Variants in COL11A2 observed in about 807,000 individuals in gnomAD.
The protein encoded by COL11A2 is collagen alpha-2(XI) chain.
In COL11A2, 116 loss-of-function variants were observed where a neutral mutation model predicts 273.4. That is an observed-to-expected ratio of 0.42 (90% CI 0.36 to 0.49). The LOEUF is 0.49. COL11A2 is among the 20% of genes least tolerant of loss of function. The pLI is 0.00. For synonymous variants in COL11A2, 782 were observed against 864.2 expected, an observed-to-expected ratio of 0.90 and a Z score of 1.67; for missense variants, 1,866 against 2,309.0, an observed-to-expected ratio of 0.81 and a Z score of 3.93.
At chr6:33,181,305 C>G in intron 8 of COL11A2, 135 bp from the exon 9 acceptor site, 1 of 895,512 alleles carries the variant, frequency 1.1e-6, no homozygotes, top group Non-Finnish European at 1.8e-6. Flanking sequence ...AGCCCCACAG[C>G]CCTCCCCTAA....
chr6:33,179,871 G>T lies in COL11A2; in HGVS notation c.1360-66C>A. On this transcript the variant is annotated intron_variant, in intron 12 of 65. Transcript: ENST00000341947. The surrounding 1 kb of genome is among the most constrained non-coding windows in gnomAD (Gnocchi z 6.4). Reference sequence around the variant, plus strand: ...AGCCATGGGACCCTCCCAGCCAGAGGCTTTCTCCAGCGTTTCTGCCCCTTG... The same window carrying T: ...AGCCATGGGACCCTCCCAGCCAGAGTCTTTCTCCAGCGTTTCTGCCCCTTG... 1 of 1,460,840 alleles carries T rather than the reference G, an allele frequency of 6.8e-7. No homozygotes were observed. The allele number at this position is 1,460,840 out of a possible 1,614,324, so 90.5% of individuals were successfully genotyped here.
Position 33,178,868 on chromosome 6 carries a change from C to T in COL11A2, c.1665+52G>A. 1 of 1,612,250 alleles carries T rather than the reference C, an allele frequency of 6.2e-7. No individual in the cohort carries two copies. Among genetic ancestry groups the T allele is most frequent in the Non-Finnish European group, 8.5e-7 (1 of 1,178,900 alleles). On this transcript the variant is annotated intron_variant, in intron 17 of 65. Transcript: ENST00000341947. The surrounding 1 kb of genome is among the most constrained non-coding windows in gnomAD (Gnocchi z 4.6). The stretch of plus-strand genomic sequence containing the variant: ...AGGTCATCCCCAAGAAACAACTGAG[C>T]CCAGCGTGGGCTGAAGGCTACAGGC...
At chr6:33,171,207 G>A (rs747391257) in intron 44 of COL11A2, 40 bp from the exon 45 acceptor site, 2 of 1,613,468 alleles carry the variant, frequency 1.2e-6, no homozygotes, top group South Asian at 1.1e-5. Context: ...AAAACAGGGA[G>A]AGAGATCAGG....
At position 33,178,033 on chromosome 6, in the gene COL11A2, A is replaced by G. The variant is rs555186177; in HGVS notation, c.1872+99T>C. 3 of 1,262,014 alleles carry G rather than the reference A, an allele frequency of 2.4e-6. No homozygotes were observed. Among genetic ancestry groups the G allele is most frequent in the Admixed American group, 1.9e-5 (1 of 52,220 alleles). 78.2% of individuals were successfully genotyped at this position (1,262,014 alleles called of 1,614,324 possible). On this transcript the variant is annotated intron_variant, in intron 21 of 65. Transcript: ENST00000341947. The surrounding 1 kb of genome is among the most constrained non-coding windows in gnomAD (Gnocchi z 4.6). ...GGGGAGCTCACAGGGAATGGGAAGCATGCCGAGAGAGGAGAGGGAGCAGGA... is the reference window on the plus strand; with the variant it reads ...GGGGAGCTCACAGGGAATGGGAAGCGTGCCGAGAGAGGAGAGGGAGCAGGA...
chr6:33,186,584 C>T (rs759369903), intron 5 of COL11A2, 43 bp downstream of exon 5: 1 of 1,614,086 alleles, frequency 6.2e-7, no homozygotes, highest in Admixed American at 1.7e-5. Flanking sequence ...TGTCTTCCCT[C>T]TCTGGGGTGT....
At position 33,167,084 on chromosome 6, in the gene COL11A2, C is replaced by T; in HGVS notation, c.4216G>A (p.Ala1406Thr). The T allele has an allele frequency of 6.2e-7, 1 of 1,613,938 alleles. No homozygotes were observed. Among genetic ancestry groups the T allele is most frequent in the Non-Finnish European group, 8.5e-7 (1 of 1,179,996 alleles). ...CTGTCACTCACCTTCTCTCCCTTGG[C>T]TCCAGCATCGCCCCGGAGACCAGGC... ...GLPGLRGDAG[A>T]KGEKGHPGLI... The change falls in exon 58 of 66, where the codon GCC (alanine) becomes ACC (threonine). Residue 1406 changes from alanine (A) to threonine (T), a missense_variant. Transcript: ENST00000341947. This position sits in a 1 kb window ranked among gnomAD's most constrained non-coding sequence, Gnocchi z 6.1.
In COL11A2 at chr6:33,166,529, C is replaced by A; in HGVS notation, c.4376G>T (p.Gly1459Val). 1 of 1,613,642 alleles carries A rather than the reference C, an allele frequency of 6.2e-7. No individual in the cohort carries two copies. The highest frequency in any genetic ancestry group is 8.5e-7 in the Non-Finnish European group (1 of 1,179,770). ...AGTACTCACGGGGAGGCCGGGGGGA[C>A]CTCCAGGACCAATGGGGCCGGATGC... ...PGASGPIGPG[G>V]PPGLPGPAGP... Residue 1459 changes from glycine to valine, a missense_variant, in exon 60 of 66, where the codon GGT becomes GTT. By Grantham distance (109) the Gly-to-Val change is moderately radical. Transcript: ENST00000341947. The surrounding 1 kb of genome is among the most constrained non-coding windows in gnomAD (Gnocchi z 4.8).
Position 33,167,118 on chromosome 6 carries a change from G to A in COL11A2, c.4182C>T (p.Pro1394=), listed in dbSNP as rs1300279813. Residue 1394 remains proline (P), a synonymous_variant, in exon 58 of 66, where the codon CCC becomes CCT. Transcript: ENST00000341947. The surrounding 1 kb of genome is among the most constrained non-coding windows in gnomAD (Gnocchi z 6.1). ...GQAGPPGPVG[P]PGLPGLRGDA... Reference sequence around the variant, plus strand: ...CGCCCCGGAGACCAGGCAGCCCTGGGGGTCCCTGTGGAGAGATGGGAAGTC... The same window carrying A: ...CGCCCCGGAGACCAGGCAGCCCTGGAGGTCCCTGTGGAGAGATGGGAAGTC... 1.2e-6 allele frequency: 2 copies of A among 1,613,986 alleles called. No individual in the cohort carries two copies. The highest frequency in any genetic ancestry group is 1.3e-5 in the African/African-American group (1 of 74,908).
In COL11A2 at chr6:33,178,013, G is replaced by A; in HGVS notation, c.1872+119C>T. 9.1e-7 allele frequency: 1 copy of A among 1,094,122 alleles called. No homozygotes were observed. The highest frequency in any genetic ancestry group is 2.5e-4 in the Middle Eastern group (1 of 3,996). The allele number at this position is 1,094,122 out of a possible 1,614,324, so 67.8% of individuals were successfully genotyped here. A position where few individuals can be genotyped will look rare whatever the true frequency, so the allele number is the denominator to read the frequency against. ...GCAGTGTGGGGCCAGAGCAGGGGGA[G>A]CTCACAGGGAATGGGAAGCATGCCG... On this transcript the variant is annotated intron_variant, in intron 21 of 65. Coordinates refer to ENST00000341947, the MANE Select transcript of COL11A2 (RefSeq NM_080680.3). This position sits in a 1 kb window ranked among gnomAD's most constrained non-coding sequence, Gnocchi z 4.6.
In COL11A2 at chr6:33,176,500, G is replaced by T; in HGVS notation, c.2116-14C>A. 1 of 1,611,450 alleles carries T rather than the reference G, an allele frequency of 6.2e-7. No individual in the cohort carries two copies. Among genetic ancestry groups the T allele is most frequent in the African/African-American group, 1.3e-5 (1 of 74,992 alleles). ...TCCAGAGGGACCCTGGAAGATAAAAGAGAGGCATTTATAAAGGGGCCTCAG... is the reference window on the plus strand; with the variant it reads ...TCCAGAGGGACCCTGGAAGATAAAATAGAGGCATTTATAAAGGGGCCTCAG... On this transcript the variant is annotated splice_polypyrimidine_tract_variant and intron_variant, in intron 26 of 65. Coordinates refer to ENST00000341947, the MANE Select transcript of COL11A2 (RefSeq NM_080680.3). This position sits in a 1 kb window ranked among gnomAD's most constrained non-coding sequence, Gnocchi z 4.9.
rs932676366 is a variant in COL11A2, at chr6:33,166,475, T to C, written c.4392+38A>G. 1 of 1,605,760 alleles carries C rather than the reference T, an allele frequency of 6.2e-7. No individual in the cohort carries two copies. The highest frequency in any genetic ancestry group is 2.2e-5 in the East Asian group (1 of 44,824). On this transcript the variant is annotated intron_variant, in intron 60 of 65. Transcript: ENST00000341947. This position sits in a 1 kb window ranked among gnomAD's most constrained non-coding sequence, Gnocchi z 4.8. The stretch of plus-strand genomic sequence containing the variant: ...AGGCTGTGGGTGGGCAGCAGAGGGG[T>C]TTAGGGGATTTTGTGGAGGAACAGA...
Position 33,167,275 on chromosome 6 carries a change from G to A in COL11A2, c.4165C>T (p.Pro1389Ser). The A allele has an allele frequency of 6.2e-7, 1 of 1,614,024 alleles. No homozygotes were observed. Among genetic ancestry groups the A allele is most frequent in the Non-Finnish European group, 8.5e-7 (1 of 1,180,012 alleles). ...RPGATGQAGP[P>S]GPVGPPGLPG... ...TCCCAGTCACTCACCACAGGACCTG[G>A]GGGCCCAGCCTGGCCTGTAGCTCCA... is the stretch of plus-strand genomic sequence containing the variant. The change falls in exon 57 of 66, where the codon CCA (proline) becomes TCA (serine). Residue 1389 changes from proline to serine, a missense_variant. Physicochemically the swap from Pro to Ser is moderately conservative, Grantham distance 74 (BLOSUM62 -1). Transcript: ENST00000341947. The surrounding 1 kb of genome is among the most constrained non-coding windows in gnomAD (Gnocchi z 6.1).
rs1045889505 is a variant in COL11A2, at chr6:33,171,970, G to T, written c.3042+80C>A. The T allele has an allele frequency of 2.7e-5, 43 of 1,569,884 alleles. No individual in the cohort carries two copies. The Middle Eastern group carries it at 7.0e-4, about 26-fold the overall frequency. On this transcript the variant is annotated intron_variant, in intron 41 of 65. Coordinates refer to ENST00000341947, the MANE Select transcript of COL11A2 (RefSeq NM_080680.3). ...CTGCCCAGCCCCACAGCCCCTGGTG[G>T]TATCAGAATGCCACTCCCACCCTTC...
Position 33,176,605 on chromosome 6 carries a change from G to C in COL11A2, c.2115+116C>G. ...GTCTGGGTAGGGTTACGGGGCACAG[G>C]AATTGAGAATGTGGCAGAGCCATAT... On this transcript the variant is annotated intron_variant, in intron 26 of 65. Coordinates refer to ENST00000341947, the MANE Select transcript of COL11A2 (RefSeq NM_080680.3). The surrounding 1 kb of genome is among the most constrained non-coding windows in gnomAD (Gnocchi z 4.9). 1 of 1,384,360 alleles carries C rather than the reference G, an allele frequency of 7.2e-7. No homozygotes were observed. The highest frequency in any genetic ancestry group is 1.2e-5 in the South Asian group (1 of 83,568). The allele number at this position is 1,384,360 out of a possible 1,614,324, so 85.8% of individuals were successfully genotyped here. A position where few individuals can be genotyped will look rare whatever the true frequency, so the allele number is the denominator to read the frequency against.
chr6:33,182,411 T>C (rs1771843574), intron 8 of COL11A2, among the ~76,000 whole-genome samples: 1 of 151,914 alleles, frequency 6.6e-6, no homozygotes, highest in Non-Finnish European at 1.5e-5. Flanking sequence ...TAAGCATCCA[T>C]ACTCTAAGTA....
Position 33,163,701 on chromosome 6 carries a change from C to T in COL11A2, c.5188G>A (p.Gly1730Arg), listed in dbSNP as rs747438889. The T allele has an allele frequency of 6.2e-7, 1 of 1,612,976 alleles. No individual in the cohort carries two copies. Among genetic ancestry groups the T allele is most frequent in the Non-Finnish European group, 8.5e-7 (1 of 1,179,994 alleles). Reference protein sequence around the residue: ...APPRRGGVLLGPVCFMG With the variant: ...APPRRGGVLLRPVCFMG ...TCCTATCCCATGAAGCAGACAGGCC[C>T]CAGCAGCACCCCTCCCCGCCTCGGT... The change falls in exon 66 of 66, where the codon GGG becomes AGG. Residue 1730 changes from glycine to arginine, a missense_variant. Coordinates refer to ENST00000341947, the MANE Select transcript of COL11A2 (RefSeq NM_080680.3). This position sits in a 1 kb window ranked among gnomAD's most constrained non-coding sequence, Gnocchi z 4.1.
At position 33,188,593 on chromosome 6, in the gene COL11A2, G is replaced by A. The variant is rs140968821; in HGVS notation, c.444-69C>T. On this transcript the variant is annotated intron_variant, in intron 3 of 65. Transcript: ENST00000341947. Reference sequence around the variant, plus strand: ...AAGTAGGGGAGTCAACATGGTTGGAGAGCAGTGATAAGAGTTGAAGCCAAT... The same window carrying A: ...AAGTAGGGGAGTCAACATGGTTGGAAAGCAGTGATAAGAGTTGAAGCCAAT... 2.5e-3 allele frequency: 3,893 copies of A among 1,585,374 alleles called. 232 individuals carry two copies. In the East Asian group the frequency reaches 0.03, roughly 12 times the overall value.
Position 33,173,031 on chromosome 6 carries a change from G to A in COL11A2, c.2790+29C>T. On this transcript the variant is annotated intron_variant, in intron 38 of 65. Coordinates refer to ENST00000341947, the MANE Select transcript of COL11A2 (RefSeq NM_080680.3). This position sits in a 1 kb window ranked among gnomAD's most constrained non-coding sequence, Gnocchi z 6.3. ...CAGACAGACTAATGCTAGGGTCAGG[G>A]GTCCATTCTCTCCTAGGGACAAACC... 1 of 1,608,066 alleles carries A rather than the reference G, an allele frequency of 6.2e-7. No individual in the cohort carries two copies. The highest frequency in any genetic ancestry group is 8.5e-7 in the Non-Finnish European group (1 of 1,175,972).
In COL11A2 at chr6:33,192,224, C is replaced by T. The variant is rs866437959; in HGVS notation, c.17G>A (p.Arg6His). 6.4e-7 allele frequency: 1 copy of T among 1,561,854 alleles called. No individual in the cohort carries two copies. Among genetic ancestry groups the T allele is most frequent in the African/African-American group, 1.3e-5 (1 of 74,102 alleles). Residue 6 changes from arginine (R) to histidine (H), a missense_variant, in exon 1 of 66, where the codon CGC becomes CAC. Transcript: ENST00000341947. The part of the protein sequence containing the change: MERCS[R>H]CHRLLLLLPL... ...TAGGAGGAGGAGGAGGCGATGGCAGCGGCTGCACCGCTCCATGGCTGAGAA... is the reference window on the plus strand; with the variant it reads ...TAGGAGGAGGAGGAGGCGATGGCAGTGGCTGCACCGCTCCATGGCTGAGAA...
Sources: gnomAD v4.1 joint callset for allele counts (sites outside exome capture counted in the v4.1 genomes callset) on GRCh38, gnomAD v4.1.1 for gene constraint, Gnocchi (gnomAD v3.1) non-coding constraint, MANE v1.5 for transcripts, NCBI Gene and HGNC (gene_info 2026-07-23, HGNC 2026-07-21) for gene names.